The following TRPM3 variants were observed in gnomAD, a reference collection of about 807,000 sequenced individuals.
TRPM3 encodes the protein long transient receptor potential channel 3.
TRPM3 carries 77 observed loss-of-function variants against 181.2 expected under a neutral mutation model. That is an observed-to-expected ratio of 0.42 (90% confidence interval 0.35 to 0.51). The LOEUF (loss-of-function observed/expected upper bound fraction) is 0.51. TRPM3 is among the 20% of genes least tolerant of loss of function. The pLI is 0.01. For missense variants in TRPM3, 1,759 were observed against 2,196.7 expected (o/e 0.80, Z 3.98); for synonymous variants, 745 against 796.4 (o/e 0.94, Z 1.09).
intron 1 of TRPM3, among the ~76,000 whole-genome samples, chr9:71,190,655 T>C (rs1333480532): frequency 1.3e-5 from 2 of 151,852 alleles, no homozygotes; most frequent in Non-Finnish European, 2.9e-5. Context: ...TAAATTCATG[T>C]TGTACATTTC....
intron 1 of TRPM3, among the ~76,000 whole-genome samples, chr9:71,224,648 A>G (rs2080465704): frequency 6.6e-6 from 1 of 152,216 alleles, no homozygotes; most frequent in African/African-American, 2.4e-5. Flanking sequence ...AAAGAAATTT[A>G]AGATAACACA....
chr9:70,932,147 A>T (rs2096781360), intron 1 of TRPM3, among the ~76,000 whole-genome samples: 1 of 152,166 alleles, frequency 6.6e-6, no homozygotes. Flanking sequence ...CCTGGAGGAA[A>T]ACTGAGAGCA....
At chr9:70,768,336 T>G (rs890705268) in intron 7 of TRPM3, among the ~76,000 whole-genome samples, 1 of 152,312 alleles carries the variant, frequency 6.6e-6, no homozygotes, top group Admixed American at 6.5e-5. Flanking sequence ...CAGGTATTTC[T>G]TTTAGGCCTT....
At chr9:70,986,340 G>A (rs1422967554) in intron 1 of TRPM3, among the ~76,000 whole-genome samples, 3 of 152,098 alleles carry the variant, frequency 2.0e-5, no homozygotes, top group Non-Finnish European at 4.4e-5. Context: ...CTTCACCTGG[G>A]CAACAGAGGA....
At chr9:70,917,236 AG>A in intron 1 of TRPM3, 1 of 1,570,770 alleles carries the variant, frequency 6.4e-7, no homozygotes, top group South Asian at 1.1e-5. Flanking sequence ...GGGCAATAGC[AG>A]TGAGTGCATC....
At chr9:71,233,165 T>C (rs1395446729) in intron 1 of TRPM3, among the ~76,000 whole-genome samples, 1 of 152,206 alleles carries the variant, frequency 6.6e-6, no homozygotes, top group African/African-American at 2.4e-5. Flanking sequence ...ACAATTGCAC[T>C]AATAAACCCA....
intron 1 of TRPM3, among the ~76,000 whole-genome samples, chr9:71,229,572 A>C (rs186281257): frequency 6.6e-6 from 1 of 152,292 alleles, no homozygotes. Flanking sequence ...CTGACAAGAG[A>C]TTAATAACCA....
In TRPM3 at chr9:71,428,255, C is replaced by CT. The variant is rs567636846; in HGVS notation, c.183+18397dup. Among the ~76,000 whole-genome samples the CT allele has an allele frequency of 8.9e-3, 1,139 of 128,330 alleles. 14 individuals are homozygous for CT. Among genetic ancestry groups the CT allele is most frequent in the East Asian group, 0.054 (244 of 4,532 alleles). The allele number at this position is 128,330 out of a possible 152,430, so 84.2% of individuals were successfully genotyped here. ...TACAGGCGCCCGCCACCATGCCCGG[C>CT]TTTTTTTTTTTTTTTTTTTTAGTTG... On this transcript the variant is annotated intron_variant, in intron 1 of 24. Transcript: ENST00000357533.
At chr9:71,411,261 G>A (rs1439435579) in intron 1 of TRPM3, among the ~76,000 whole-genome samples, 2 of 152,196 alleles carry the variant, frequency 1.3e-5, no homozygotes, top group East Asian at 3.9e-4. Flanking sequence ...AGGGCCATCA[G>A]ACAGGAGAAA....
intron 1 of TRPM3, among the ~76,000 whole-genome samples, chr9:71,263,858 C>T (rs550571346): frequency 6.6e-6 from 1 of 152,292 alleles, no homozygotes; most frequent in South Asian, 2.1e-4. Context: ...TAACTCACTG[C>T]AGCCTGAAAC....
chr9:71,151,569 T>C (rs2075736771), intron 1 of TRPM3, among the ~76,000 whole-genome samples: 1 of 152,014 alleles, frequency 6.6e-6, no homozygotes, highest in Non-Finnish European at 1.5e-5. Context: ...AAAAAAAACA[T>C]GTTGACCCAA....
At chr9:71,327,415 C>T (rs984236549) in intron 1 of TRPM3, among the ~76,000 whole-genome samples, 2 of 152,034 alleles carry the variant, frequency 1.3e-5, no homozygotes, top group South Asian at 4.1e-4. Context: ...AAGAAATGTC[C>T]CCTTCAGAAG....
At chr9:71,198,206 G>T (rs1211318525) in intron 1 of TRPM3, among the ~76,000 whole-genome samples, 3 of 151,916 alleles carry the variant, frequency 2.0e-5, no homozygotes, top group South Asian at 2.1e-4. Flanking sequence ...ATTTCTGAGG[G>T]CTCTGTTCTG....
intron 1 of TRPM3, among the ~76,000 whole-genome samples, chr9:71,147,672 A>G (rs2075498572): frequency 6.6e-6 from 1 of 152,150 alleles, no homozygotes; most frequent in East Asian, 1.9e-4. Flanking sequence ...AACATTTTGG[A>G]ATTTATCCCA....
chr9:70,932,782 C>G (rs1564792070), intron 1 of TRPM3, among the ~76,000 whole-genome samples: 1 of 152,152 alleles, frequency 6.6e-6, no homozygotes, highest in Non-Finnish European at 1.5e-5. Flanking sequence ...AATGGAACCA[C>G]AGGATGCCTC....
At chr9:70,748,983 T>G (rs941742991) in intron 8 of TRPM3, among the ~76,000 whole-genome samples, 4 of 152,048 alleles carry the variant, frequency 2.6e-5, no homozygotes, top group Non-Finnish European at 5.9e-5. Flanking sequence ...CTCCCAGGCT[T>G]AAGAGATTTA....
intron 1 of TRPM3, chr9:70,917,568 T>TTTTTTTTTTTTG: frequency 1.7e-6 from 1 of 593,642 alleles, no homozygotes; most frequent in Non-Finnish European, 3.1e-6. Flanking sequence ...GTTAAGTTGT[T>TTTTTTTTTTTTG]ATATCAACTT....
rs189188188 is a variant in TRPM3, at chr9:70,646,609, T to C, written c.1346-5949A>G. ...GGGAGGGATAGCATTAGGAGAAATATCTAATGTAGACTATGGGTTGATAGG... is the reference window on the plus strand; with the variant it reads ...GGGAGGGATAGCATTAGGAGAAATACCTAATGTAGACTATGGGTTGATAGG... On this transcript the variant is annotated intron_variant, in intron 9 of 25. Coordinates refer to ENST00000677713, the MANE Select transcript of TRPM3 (RefSeq NM_001366145.2). 4.6e-5 allele frequency among the ~76,000 whole-genome samples: 7 copies of C among 151,950 alleles called. No individual in the cohort carries two copies. The East Asian group carries it at 1.4e-3, about 29-fold the overall frequency.
At chr9:71,210,301 C>G (rs907502281) in intron 1 of TRPM3, among the ~76,000 whole-genome samples, 1 of 152,208 alleles carries the variant, frequency 6.6e-6, no homozygotes, top group Admixed American at 6.5e-5. Flanking sequence ...TGCAGGAAAA[C>G]AAGCTCAGGG....
Sources: allele counts gnomAD v4.1 joint callset (sites outside exome capture counted in the v4.1 genomes callset), GRCh38; gene constraint gnomAD v4.1.1; transcripts MANE v1.5; gene names NCBI Gene and HGNC (gene_info 2026-07-23, HGNC 2026-07-21).